Variants in AJUBA observed in about 807,000 individuals in gnomAD.
The protein encoded by AJUBA is LIM domain-containing protein ajuba.
AJUBA carries 20 observed loss-of-function variants against 53.3 expected under a neutral mutation model. The ratio of observed to expected loss-of-function variants is 0.38; its 90% CI spans 0.26 to 0.55. The LOEUF is 0.55. AJUBA is among the 20% of genes least tolerant of loss of function. The probability of loss-of-function intolerance (pLI) is 0.80; values close to 1 mark genes in which losing one functional copy is unlikely to be tolerated. For missense variants in AJUBA, 580 were observed against 730.5 expected (o/e 0.79, Z 2.38); for synonymous variants, 296 against 306.2 (o/e 0.97, Z 0.35).
intron 4 of AJUBA, among the ~76,000 whole-genome samples, chr14:22,975,545 A>G (rs2045026421): frequency 6.6e-6 from 1 of 152,228 alleles, no homozygotes; most frequent in Admixed American, 6.5e-5. Context: ...AGTGATTCTA[A>G]CCAGTAGCAG....
chr14:22,982,453 G>T lies in AJUBA; in HGVS notation c.-187C>A. ...AGCATCCCCCAGCGGGAGGGGCTGC[G>T]TCCCCCCGCGCATCTGGGGCTGAGC... On this transcript the variant is annotated 5_prime_UTR_variant, in exon 1 of 8. Coordinates refer to ENST00000262713, the MANE Select transcript of AJUBA (RefSeq NM_032876.6). The T allele has an allele frequency of 7.0e-6, 10 of 1,428,934 alleles. No homozygotes were observed. Among genetic ancestry groups the T allele is most frequent in the Non-Finnish European group, 9.1e-6 (10 of 1,099,430 alleles). The allele number at this position is 1,428,934 out of a possible 1,614,324, so 88.5% of individuals were successfully genotyped here. A position where few individuals can be genotyped will look rare whatever the true frequency, so the allele number is the denominator to read the frequency against.
In AJUBA at chr14:22,982,163, T is replaced by G. The variant is rs1197034751; in HGVS notation, c.104A>C (p.Lys35Thr). Residue 35 changes from lysine to threonine, a missense_variant, in exon 1 of 8, where the codon AAG (lysine) becomes ACG (threonine). Physicochemically the swap from Lys to Thr is moderately conservative, Grantham distance 78. Transcript: ENST00000262713. ...SGSDGTPGPG[K>T]GRLSGLGGPR... ...TCCCCCCAACCCACTTAGGCGCCCC[T>G]TGCCCGGCCCGGGGGTCCCGTCAGA... The G allele has an allele frequency of 6.2e-7, 1 of 1,612,834 alleles. No homozygotes were observed. Among genetic ancestry groups the G allele is most frequent in the Admixed American group, 1.7e-5 (1 of 59,816 alleles).
chr14:22,974,759 G>T, intron 6 of AJUBA, 80 bp downstream of exon 6: 1 of 1,475,438 alleles, frequency 6.8e-7, no homozygotes, highest in Non-Finnish European at 9.2e-7. Flanking sequence ...CTTCTGGCAG[G>T]AGGCCAGGCA....
Position 22,976,661 on chromosome 14 carries a change from C to T in AJUBA, c.1160G>A (p.Cys387Tyr), listed in dbSNP as rs1260814442. 1 of 1,614,070 alleles carries T rather than the reference C, an allele frequency of 6.2e-7. No homozygotes were observed. The highest frequency in any genetic ancestry group is 1.7e-5 in the Admixed American group (1 of 60,010). Residue 387 changes from cysteine to tyrosine, a missense_variant, in exon 3 of 8, where the codon TGT (cysteine) becomes TAT (tyrosine). By Grantham distance (194) the Cys-to-Tyr change is radical. Coordinates refer to ENST00000262713, the MANE Select transcript of AJUBA (RefSeq NM_032876.6). ...AFYSVNGSVYCEEDYLFSGFQ... is the reference protein window; with the variant it reads ...AFYSVNGSVYYEEDYLFSGFQ... ...CTTACTCACCAGATAATCTTCCTCA[C>T]AGTACACAGAGCCATTGACACTGTA...
chr14:22,976,792 G>C lies in AJUBA; in HGVS notation c.1109-80C>G, dbSNP rs369756410. The C allele has an allele frequency of 9.2e-5, 144 of 1,559,614 alleles. No individual in the cohort carries two copies. In the African/African-American group the frequency reaches 1.5e-3, roughly 16 times the overall value. ...TCTGGGGTCACTGCTCCCCGCTGCT[G>C]CATAATATATTTAAACCTGGACTTT... On this transcript the variant is annotated intron_variant, in intron 2 of 7. Coordinates refer to ENST00000262713, the MANE Select transcript of AJUBA (RefSeq NM_032876.6).
chr14:22,972,596 A>C lies in AJUBA; in HGVS notation c.*847T>G, dbSNP rs2044994497. The C allele has an allele frequency of 6.6e-6, 1 of 152,648 alleles. No individual in the cohort carries two copies. The highest frequency in any genetic ancestry group is 1.5e-5 in the Non-Finnish European group (1 of 68,070). 9.5% of individuals were successfully genotyped at this position (152,648 alleles called of 1,614,324 possible). ...CATGTAAGTTCCTGAGAAACAGGGAATACAGGCAGCAACCCCACTCAGAGC... is the reference window on the plus strand; with the variant it reads ...CATGTAAGTTCCTGAGAAACAGGGACTACAGGCAGCAACCCCACTCAGAGC... On this transcript the variant is annotated 3_prime_UTR_variant, in exon 8 of 8. Coordinates refer to ENST00000262713, the MANE Select transcript of AJUBA (RefSeq NM_032876.6).
chr14:22,980,602 C>A, intron 1 of AJUBA: 1 of 985,384 alleles, frequency 1.0e-6, no homozygotes, highest in Non-Finnish European at 1.2e-6. Context: ...CACGCACGCA[C>A]CTAGCCAACA....
rs1295356818 is a variant in AJUBA, at chr14:22,971,278, C to G, written c.*2165G>C. 1 of 152,168 alleles carries G rather than the reference C, an allele frequency of 6.6e-6. No homozygotes were observed. Among genetic ancestry groups the G allele is most frequent in the Non-Finnish European group, 1.5e-5 (1 of 68,034 alleles). The allele number at this position is 152,168 out of a possible 1,614,324, so 9.4% of individuals were successfully genotyped here. A position where few individuals can be genotyped will look rare whatever the true frequency, so the allele number is the denominator to read the frequency against. The stretch of plus-strand genomic sequence containing the variant: ...GAAGTAATTCAGTTTCAGAACATTT[C>G]TCACTCCAACAAGGTGCATTTTCCC... On this transcript the variant is annotated 3_prime_UTR_variant, in exon 8 of 8. Transcript: ENST00000262713.
chr14:22,974,341 GCCTTACCTGCGTCTCT>G (rs1366199251), intron 6 of AJUBA, among the ~76,000 whole-genome samples: 1 of 152,138 alleles, frequency 6.6e-6, no homozygotes, highest in African/African-American at 2.4e-5. Flanking sequence ...AACAGCCCTG[GCCTTACCTGCGTCTCT>G]CAGTTGTGCA....
Position 22,982,411 on chromosome 14 carries a change from T to C in AJUBA, c.-145A>G. 1.4e-6 allele frequency: 2 copies of C among 1,453,508 alleles called. No homozygotes were observed. The highest frequency in any genetic ancestry group is 1.4e-5 in the African/African-American group (1 of 69,132). 90.0% of individuals were successfully genotyped at this position (1,453,508 alleles called of 1,614,324 possible). Reference sequence around the variant, plus strand: ...GGCTTAGCGGGCGGCCTGGATGCCCTGCGCCAGGAATCCCACAGCATCCCC... The same window carrying C: ...GGCTTAGCGGGCGGCCTGGATGCCCCGCGCCAGGAATCCCACAGCATCCCC... On this transcript the variant is annotated 5_prime_UTR_variant, in exon 1 of 8. Coordinates refer to ENST00000262713, the MANE Select transcript of AJUBA (RefSeq NM_032876.6).
rs1401800578 is a variant in AJUBA, at chr14:22,975,117, G to A, written c.1240-13C>T. 2 of 1,605,340 alleles carry A rather than the reference G, an allele frequency of 1.2e-6. No homozygotes were observed. Among genetic ancestry groups the A allele is most frequent in the South Asian group, 1.1e-5 (1 of 90,814 alleles). On this transcript the variant is annotated splice_polypyrimidine_tract_variant and intron_variant, in intron 4 of 7. Transcript: ENST00000262713. ...TTGCTTGTAGGATCTGGCTCATGGGGTAGCAAGAGAATCAGTCTCCCTCCA... is the reference window on the plus strand; with the variant it reads ...TTGCTTGTAGGATCTGGCTCATGGGATAGCAAGAGAATCAGTCTCCCTCCA...
At position 22,981,365 on chromosome 14, in the gene AJUBA, G is replaced by A. The variant is rs777145914; in HGVS notation, c.902C>T (p.Pro301Leu). 4 of 1,613,330 alleles carry A rather than the reference G, an allele frequency of 2.5e-6. No homozygotes were observed. The highest frequency in any genetic ancestry group is 4.5e-5 in the East Asian group (2 of 44,880). The change falls in exon 1 of 8, where the codon CCC (proline) becomes CTC (leucine). Residue 301 changes from proline (P) to leucine (L), a missense_variant. Physicochemically the swap from Pro to Leu is moderately conservative, Grantham distance 98. This residue lies in a region of AJUBA where 430 missense variants were observed against 471.5 expected (regional missense o/e 0.91). Coordinates refer to ENST00000262713, the MANE Select transcript of AJUBA (RefSeq NM_032876.6). ...GGREAGARGEPSGIEPSGLEE... is the reference protein window; with the variant it reads ...GGREAGARGELSGIEPSGLEE... ...CAGACCCGACGGCTCAATCCCCGAG[G>A]GTTCTCCGCGGGCTCCGGCTTCTCG...
At position 22,979,011 on chromosome 14, in the gene AJUBA, C is replaced by A. The variant is rs886116082; in HGVS notation, c.1007-566G>T. 6.2e-6 allele frequency: 8 copies of A among 1,289,140 alleles called. No homozygotes were observed. The highest frequency in any genetic ancestry group is 7.1e-6 in the Non-Finnish European group (7 of 988,688). The allele number at this position is 1,289,140 out of a possible 1,614,324, so 79.9% of individuals were successfully genotyped here. On this transcript the variant is annotated intron_variant, in intron 1 of 7. Transcript: ENST00000262713. The surrounding 1 kb of genome is among the most constrained non-coding windows in gnomAD (Gnocchi z 4.0). Reference sequence around the variant, plus strand: ...ATCTGGCTTGGCAGAGGGCTCCGTGCAGAGGGGACCATGTGAGCATGATTC... The same window carrying A: ...ATCTGGCTTGGCAGAGGGCTCCGTGAAGAGGGGACCATGTGAGCATGATTC...
Position 22,978,345 on chromosome 14 carries a change from A to T in AJUBA, c.1107T>A (p.Cys369Ter). ...YHTQCFVCCS[C>*]GRTLRCKAFY... is the part of the protein sequence containing the mutation. ...CTTGAGTATTGGGGCTACACTCACC[A>T]CAAGAGCAGCAAACAAAGCACTGGG... is the stretch of plus-strand genomic sequence containing the variant. The change falls in exon 2 of 8, where the codon TGT becomes TGA. Residue 369 changes from cysteine (C) to a stop codon, truncating the protein, a stop_gained and splice_region_variant. Transcript: ENST00000262713. LOFTEE classifies it high-confidence loss of function. The T allele has an allele frequency of 6.2e-7, 1 of 1,613,376 alleles. No individual in the cohort carries two copies. Among genetic ancestry groups the T allele is most frequent in the Non-Finnish European group, 8.5e-7 (1 of 1,179,432 alleles).
chr14:22,973,464 T>C lies in AJUBA; in HGVS notation c.1596A>G (p.Gln532=), dbSNP rs777858107. The C allele has an allele frequency of 6.2e-7, 1 of 1,612,336 alleles. No individual in the cohort carries two copies. Among genetic ancestry groups the C allele is most frequent in the Non-Finnish European group, 8.5e-7 (1 of 1,179,300 alleles). Residue 532 remains glutamine (Q), a synonymous_variant, in exon 8 of 8, where the codon CAA becomes CAG. Coordinates refer to ENST00000262713, the MANE Select transcript of AJUBA (RefSeq NM_032876.6). ...CAGCTCAGATATAGTTGGCAGGGGG[T>C]TGTCGGGCATTGAGCCGCTGCATGT... ...GCHMQRLNAR[Q]PPANYI is the part of the protein sequence containing the mutation.
rs370835364 is a variant in AJUBA, at chr14:22,981,414, G to A, written c.853C>T (p.Arg285Cys). ...CGCCCACCGGTGCCCACCGTCAGGC[G>A]AAGCAAAGCTGTTAGCTCGTCCTGG... ...RYQDELTALLRLTVGTGGREA... is the reference protein window; with the variant it reads ...RYQDELTALLCLTVGTGGREA... Residue 285 changes from arginine (R) to cysteine (C), a missense_variant, in exon 1 of 8, where the codon CGC becomes TGC. This residue lies in a region of AJUBA where 430 missense variants were observed against 471.5 expected (regional missense o/e 0.91). Transcript: ENST00000262713. 1.9e-6 allele frequency: 3 copies of A among 1,612,458 alleles called. No homozygotes were observed. Among genetic ancestry groups the A allele is most frequent in the South Asian group, 1.1e-5 (1 of 90,984 alleles).
chr14:22,976,584 G>A, intron 3 of AJUBA, 61 bp downstream of exon 3: 1 of 1,612,442 alleles, frequency 6.2e-7, no homozygotes, highest in Non-Finnish European at 8.5e-7. Flanking sequence ...GTACTCCAAT[G>A]GGCCACCAAG....
chr14:22,973,301 G>A lies in AJUBA; in HGVS notation c.*142C>T. On this transcript the variant is annotated 3_prime_UTR_variant, in exon 8 of 8. Transcript: ENST00000262713. ...ATCCATTTGGAATATCATGATCTTT[G>A]GGTCTCCGGCCCTTGGGGTCCTCCC... 1 of 1,211,368 alleles carries A rather than the reference G, an allele frequency of 8.3e-7. No individual in the cohort carries two copies. Among genetic ancestry groups the A allele is most frequent in the Non-Finnish European group, 1.1e-6 (1 of 881,568 alleles). 75.0% of individuals were successfully genotyped at this position (1,211,368 alleles called of 1,614,324 possible). A position where few individuals can be genotyped will look rare whatever the true frequency, so the allele number is the denominator to read the frequency against.
At chr14:22,974,810 G>A (rs182964081) in intron 6 of AJUBA, 29 bp downstream of exon 6, 1 of 1,603,012 alleles carries the variant, frequency 6.2e-7, no homozygotes, top group East Asian at 2.2e-5. Flanking sequence ...GGCACTGGCT[G>A]CCCTGAAGGA....
Sources: gnomAD v4.1 joint callset for allele counts (sites outside exome capture counted in the v4.1 genomes callset) on GRCh38, gnomAD v4.1.1 for gene constraint, gnomAD v4.1.1 regional missense constraint, Gnocchi (gnomAD v3.1) non-coding constraint, MANE v1.5 for transcripts, NCBI Gene and HGNC (gene_info 2026-07-23, HGNC 2026-07-21) for gene names.